RPS12: variants seen among roughly 807,000 people sequenced by gnomAD.
The protein encoded by RPS12 is small ribosomal subunit protein eS12.
In RPS12, 1 loss-of-function variant was observed where a neutral mutation model predicts 17.2. The observed-to-expected ratio is 0.06, with a 90% CI of 0.02 to 0.28. RPS12 has a LOEUF of 0.28. Among genes scored for constraint, RPS12 ranks in the 10% least tolerant of loss-of-function variants. The pLI is 1.00. For synonymous variants in RPS12, 67 were observed against 54.0 expected, an observed-to-expected ratio of 1.24 and a Z score of -1.06; for missense variants, 146 against 162.1, an observed-to-expected ratio of 0.90 and a Z score of 0.54.
chr6:132,816,068 G>A (rs1011233461), intron 3 of RPS12: 11 of 374,198 alleles, frequency 2.9e-5, no homozygotes, highest in South Asian at 1.6e-4. Flanking sequence ...TCCTGACCTC[G>A]GGTCATCTGC....
chr6:132,817,209 T>C, intron 5 of RPS12, 148 bp downstream of exon 5: 1 of 767,898 alleles, frequency 1.3e-6, no homozygotes. Flanking sequence ...AAATAAAAGC[T>C]GTAATTTACA....
intron 3 of RPS12, 133 bp downstream of exon 3, chr6:132,815,221 A>G (rs569572847): frequency 6.3e-5 from 47 of 749,326 alleles, no homozygotes; most frequent in African/African-American, 5.3e-4. Context: ...AAACCTAGGA[A>G]AAGGTATCAG....
In RPS12 at chr6:132,814,775, G is replaced by A; in HGVS notation, c.7G>A (p.Glu3Lys). ...TCACCCGTAACCCACCGCCATGGCCGAGGAAGGGTGAGCCCAGGGGCCGGG... is the reference window on the plus strand; with the variant it reads ...TCACCCGTAACCCACCGCCATGGCCAAGGAAGGGTGAGCCCAGGGGCCGGG... MA[E>K]EGIAAGGVMD... The change falls in exon 2 of 6, where the codon GAG becomes AAG. Residue 3 changes from glutamate to lysine, a missense_variant. By Grantham distance (56) the Glu-to-Lys change is moderately conservative (BLOSUM62 1). This residue lies in a region of RPS12 where 117 missense variants were observed against 104.6 expected (regional missense o/e 1.12). Coordinates refer to ENST00000230050, the MANE Select transcript of RPS12 (RefSeq NM_001016.4). 4 of 1,613,300 alleles carry A rather than the reference G, an allele frequency of 2.5e-6. No individual in the cohort carries two copies. Among genetic ancestry groups the A allele is most frequent in the Non-Finnish European group, 3.4e-6 (4 of 1,179,374 alleles).
At chr6:132,814,931 G>T in intron 2 of RPS12, 41 bp from the exon 3 acceptor site, 2 of 1,461,962 alleles carry the variant, frequency 1.4e-6, no homozygotes, top group Non-Finnish European at 1.9e-6. Context: ...CTTATGTGGT[G>T]TGAGGATTTT....
In RPS12 at chr6:132,814,633, A is replaced by C; in HGVS notation, c.-38+20A>C. On this transcript the variant is annotated intron_variant, in intron 1 of 5. Coordinates refer to ENST00000230050, the MANE Select transcript of RPS12 (RefSeq NM_001016.4). ...CTTGGGGTAAGTTGAGCGAGGCGGCAGGGGGGTGTATTGGTTATAATTTGT... is the reference window on the plus strand; with the variant it reads ...CTTGGGGTAAGTTGAGCGAGGCGGCCGGGGGGTGTATTGGTTATAATTTGT... The C allele has an allele frequency of 7.6e-6, 8 of 1,059,010 alleles. No individual in the cohort carries two copies. The highest frequency in any genetic ancestry group is 4.7e-5 in the East Asian group (2 of 42,388). The allele number at this position is 1,059,010 out of a possible 1,614,324, so 65.6% of individuals were successfully genotyped here. A position where few individuals can be genotyped will look rare whatever the true frequency, so the allele number is the denominator to read the frequency against.
intron 3 of RPS12, among the ~76,000 whole-genome samples, chr6:132,816,224 C>T (rs1354243193): frequency 6.6e-6 from 1 of 152,044 alleles, no homozygotes; most frequent in Non-Finnish European, 1.5e-5. Context: ...TGACTTACAC[C>T]AATTCAGTGT....
chr6:132,815,667 G>C (rs190056573), intron 3 of RPS12: 1 of 456,614 alleles, frequency 2.2e-6, no homozygotes, highest in South Asian at 1.5e-5. Context: ...CAGTTTTAAG[G>C]TTTTACAGGA....
chr6:132,817,078 T>C lies in RPS12; in HGVS notation c.336+17T>C. 1 of 1,431,110 alleles carries C rather than the reference T, an allele frequency of 7.0e-7. No individual in the cohort carries two copies. Among genetic ancestry groups the C allele is most frequent in the Non-Finnish European group, 9.9e-7 (1 of 1,014,912 alleles). 88.7% of individuals were successfully genotyped at this position (1,431,110 alleles called of 1,614,324 possible). ...GTAGTTAAGGTAAGTCACCGTTTATTCTAGGGATGAAGGTTATGCTGGGTA... is the reference window on the plus strand; with the variant it reads ...GTAGTTAAGGTAAGTCACCGTTTATCCTAGGGATGAAGGTTATGCTGGGTA... On this transcript the variant is annotated intron_variant, in intron 5 of 5. Transcript: ENST00000230050.
Position 132,815,088 on chromosome 6 carries a change from A to C in RPS12, c.131A>C (p.Lys44Thr). ...GIREAAKALD[K>T]RQAHLCVLAS... ...CGCGAAGCTGCCAAAGCCTTAGACA[A>C]GTACGTGTATCAGTCTCAATACTGT... The change falls in exon 3 of 6, where the codon AAG (lysine) becomes ACG (threonine). Residue 44 changes from lysine to threonine, a missense_variant and splice_region_variant. Lys to Thr is a moderately conservative substitution (Grantham distance 78). This residue lies in a region of RPS12 where 117 missense variants were observed against 104.6 expected (regional missense o/e 1.12). Coordinates refer to ENST00000230050, the MANE Select transcript of RPS12 (RefSeq NM_001016.4). The C allele has an allele frequency of 6.3e-7, 1 of 1,587,464 alleles. No individual in the cohort carries two copies. The highest frequency in any genetic ancestry group is 8.7e-7 in the Non-Finnish European group (1 of 1,155,732).
In RPS12 at chr6:132,814,988, G is replaced by A. The variant is rs1315060953; in HGVS notation, c.31G>A (p.Val11Ile). MAEEGIAAGG[V>I]MDVNTALQEV... is the part of the protein sequence containing the mutation. ...GCGTTTAAGCATTGCTGCTGGAGGTGTAATGGACGTTAATACTGCTTTACA... is the reference window on the plus strand; with the variant it reads ...GCGTTTAAGCATTGCTGCTGGAGGTATAATGGACGTTAATACTGCTTTACA... Residue 11 changes from valine (V) to isoleucine (I), a missense_variant, in exon 3 of 6, where the codon GTA (valine) becomes ATA (isoleucine). Coordinates refer to ENST00000230050, the MANE Select transcript of RPS12 (RefSeq NM_001016.4). 6.2e-7 allele frequency: 1 copy of A among 1,611,356 alleles called. No homozygotes were observed. The highest frequency in any genetic ancestry group is 1.1e-5 in the South Asian group (1 of 91,024).
chr6:132,817,380 C>G, intron 5 of RPS12, 100 bp from the exon 6 acceptor site: 1 of 861,454 alleles, frequency 1.2e-6, no homozygotes, highest in Non-Finnish European at 2.0e-6. Context: ...TTTTATAAGA[C>G]ATAGCTAATT....
chr6:132,814,718 C>T lies in RPS12; in HGVS notation c.-37-14C>T, dbSNP rs778658238. On this transcript the variant is annotated splice_polypyrimidine_tract_variant and intron_variant, in intron 1 of 5. Coordinates refer to ENST00000230050, the MANE Select transcript of RPS12 (RefSeq NM_001016.4). Reference sequence around the variant, plus strand: ...TATCTGGTTCTTTAACAAGTCAATGCTTTTGTTTTTTAGTGCGTTCAAGAT... The same window carrying T: ...TATCTGGTTCTTTAACAAGTCAATGTTTTTGTTTTTTAGTGCGTTCAAGAT... 3 of 1,603,780 alleles carry T rather than the reference C, an allele frequency of 1.9e-6. No homozygotes were observed. Among genetic ancestry groups the T allele is most frequent in the East Asian group, 2.2e-5 (1 of 44,826 alleles).
intron 3 of RPS12, chr6:132,815,442 CA>C: frequency 4.0e-6 from 2 of 498,822 alleles, no homozygotes; most frequent in Non-Finnish European, 7.9e-6. Flanking sequence ...TGGAGAGCCA[CA>C]TTACATCTGG....
intron 3 of RPS12, chr6:132,816,126 G>T (rs1782055794): frequency 5.2e-6 from 2 of 388,062 alleles, no homozygotes; most frequent in South Asian, 4.4e-5. Flanking sequence ...GAGCCATCGT[G>T]CCCGGCCTTT....
At chr6:132,814,803 T>C in intron 2 of RPS12, 21 bp downstream of exon 2, 1 of 1,609,834 alleles carries the variant, frequency 6.2e-7, no homozygotes, top group Non-Finnish European at 8.5e-7. Context: ...GGGCCGGGGT[T>C]GGAGTTGGGG....
intron 5 of RPS12, 149 bp from the exon 6 acceptor site, chr6:132,817,331 C>T: frequency 2.5e-6 from 2 of 789,354 alleles, no homozygotes; most frequent in East Asian, 2.4e-5. Context: ...GTTAAGGTCC[C>T]TGAGAATGGC....
rs1192959740 is a variant in RPS12, at chr6:132,814,631, G to C, written c.-38+18G>C. ...GGCTTGGGGTAAGTTGAGCGAGGCG[G>C]CAGGGGGGTGTATTGGTTATAATTT... is the stretch of plus-strand genomic sequence containing the variant. On this transcript the variant is annotated intron_variant, in intron 1 of 5. Coordinates refer to ENST00000230050, the MANE Select transcript of RPS12 (RefSeq NM_001016.4). 6 of 1,054,870 alleles carry C rather than the reference G, an allele frequency of 5.7e-6. No homozygotes were observed. The South Asian group carries it at 6.4e-5, about 11-fold the overall frequency. The allele number at this position is 1,054,870 out of a possible 1,614,324, so 65.3% of individuals were successfully genotyped here.
Position 132,816,575 on chromosome 6 carries a change from A to G in RPS12, c.234+12A>G, listed in dbSNP as rs372073478. The G allele has an allele frequency of 2.6e-6, 4 of 1,560,972 alleles. No individual in the cohort carries two copies. Among genetic ancestry groups the G allele is most frequent in the African/African-American group, 1.3e-5 (1 of 74,286 alleles). ...TCAACCTAATTAAGGTAAGGCTGCTAAGGATTGTGTTGGGACTAATGTTCA... is the reference window on the plus strand; with the variant it reads ...TCAACCTAATTAAGGTAAGGCTGCTGAGGATTGTGTTGGGACTAATGTTCA... On this transcript the variant is annotated intron_variant, in intron 4 of 5. Coordinates refer to ENST00000230050, the MANE Select transcript of RPS12 (RefSeq NM_001016.4).
At position 132,816,594 on chromosome 6, in the gene RPS12, A is replaced by G. The variant is rs373666847; in HGVS notation, c.234+31A>G. On this transcript the variant is annotated intron_variant, in intron 4 of 5. Transcript: ENST00000230050. The stretch of plus-strand genomic sequence containing the variant: ...GCTGCTAAGGATTGTGTTGGGACTA[A>G]TGTTCAGTGATGCTTGTATATGGGG... The G allele has an allele frequency of 2.8e-5, 38 of 1,377,182 alleles. No homozygotes were observed. In the African/African-American group the frequency reaches 4.5e-4, roughly 16 times the overall value. The allele number at this position is 1,377,182 out of a possible 1,614,324, so 85.3% of individuals were successfully genotyped here.
Sources: gnomAD v4.1 joint callset for allele counts (sites outside exome capture counted in the v4.1 genomes callset) on GRCh38, gnomAD v4.1.1 for gene constraint, gnomAD v4.1.1 regional missense constraint, MANE v1.5 for transcripts, NCBI Gene and HGNC (gene_info 2026-07-23, HGNC 2026-07-21) for gene names.